TAOK3: variants seen among roughly 807,000 people sequenced by gnomAD.
TAOK3 encodes TAO kinase 3, also known as serine/threonine-protein kinase TAO3.
Under a neutral mutation model 120.4 loss-of-function variants are expected in TAOK3, and 40 were observed. The observed-to-expected ratio is 0.33, with a 90% CI of 0.26 to 0.43. The LOEUF (loss-of-function observed/expected upper bound fraction) is 0.43, where lower values mean the gene tolerates loss of function less well. Among genes scored for constraint, TAOK3 ranks in the 20% least tolerant of loss-of-function variants. TAOK3 has a pLI of 1.00. For missense variants in TAOK3, 821 were observed against 1,112.1 expected (o/e 0.74, Z 3.72); for synonymous variants, 355 against 387.5 (o/e 0.92, Z 0.99).
At chr12:118,168,351 C>T (rs931342817) in intron 17 of TAOK3, among the ~76,000 whole-genome samples, 2 of 152,214 alleles carry the variant, frequency 1.3e-5, no homozygotes, top group Admixed American at 6.5e-5. Context: ...TACTCAACCC[C>T]ATGCACACAT....
intron 15 of TAOK3, among the ~76,000 whole-genome samples, chr12:118,178,549 C>T (rs2036493841): frequency 1.3e-5 from 2 of 152,152 alleles, no homozygotes. Context: ...CCTCCACCTC[C>T]TGCGTTCAAG....
chr12:118,164,101 T>C (rs2035414655), intron 17 of TAOK3, among the ~76,000 whole-genome samples: 1 of 151,226 alleles, frequency 6.6e-6, no homozygotes, highest in Non-Finnish European at 1.5e-5. Flanking sequence ...GGCGGGTGGA[T>C]CACGAGGTCA....
intron 9 of TAOK3, among the ~76,000 whole-genome samples, chr12:118,223,645 AT>A (rs370848653): frequency 0.063 from 8,508 of 135,780 alleles, 466 homozygotes; most frequent in East Asian, 0.25. Context: ...CGCACCCGGC[AT>A]TTTTTTTTTT....
At chr12:118,352,090 T>C (rs1218413456) in intron 1 of TAOK3, among the ~76,000 whole-genome samples, 1 of 151,926 alleles carries the variant, frequency 6.6e-6, no homozygotes, top group Non-Finnish European at 1.5e-5. Context: ...GCCAAGATGG[T>C]CTCGATCTCC....
intron 3 of TAOK3, among the ~76,000 whole-genome samples, chr12:118,247,128 CAT>C (rs376112513): frequency 7.2e-5 from 11 of 152,208 alleles, no homozygotes; most frequent in African/African-American, 2.6e-4. Context: ...AAAAGAGTAA[CAT>C]GTGAAATGTG....
intron 14 of TAOK3, among the ~76,000 whole-genome samples, chr12:118,182,586 T>A (rs2138912737): frequency 1.2e-5 from 1 of 84,148 alleles, no homozygotes; most frequent in African/African-American, 5.6e-5. Context: ...TATATGTGTG[T>A]GTGTGTGTGT....
chr12:118,230,275 C>T lies in TAOK3; in HGVS notation c.643+3399G>A, dbSNP rs1264200696. 1.3e-5 allele frequency among the ~76,000 whole-genome samples: 2 copies of T among 151,982 alleles called. 1 individual carries two copies. ...CGGCTTTTGTGTCTTATACCAAAAT[C>T]TGACTCATACTAGAGTTTCCTAGTC... On this transcript the variant is annotated intron_variant, in intron 9 of 20. Transcript: ENST00000392533.
intron 1 of TAOK3, among the ~76,000 whole-genome samples, chr12:118,312,156 A>G (rs1449406536): frequency 6.6e-6 from 1 of 152,184 alleles, no homozygotes; most frequent in Non-Finnish European, 1.5e-5. Flanking sequence ...ATTTTAAAAA[A>G]CTTTCTACAA....
intron 1 of TAOK3, among the ~76,000 whole-genome samples, chr12:118,370,036 A>G (rs1030055690): frequency 9.4e-5 from 14 of 149,232 alleles, no homozygotes; most frequent in African/African-American, 3.4e-4. Flanking sequence ...CACCACGGCC[A>G]TCTAATTTTT....
intron 16 of TAOK3, among the ~76,000 whole-genome samples, chr12:118,175,712 C>A (rs1256197555): frequency 6.6e-6 from 1 of 152,048 alleles, no homozygotes; most frequent in Non-Finnish European, 1.5e-5. Context: ...TTTTATTAAA[C>A]CTTAATACAC....
chr12:118,280,148 G>A (rs1296794939), intron 1 of TAOK3, among the ~76,000 whole-genome samples: 1 of 147,956 alleles, frequency 6.8e-6, no homozygotes, highest in African/African-American at 2.5e-5. Flanking sequence ...TGCAACCTCC[G>A]CCTCCCGGGT....
chr12:118,174,329 C>T (rs1323183465), intron 16 of TAOK3, among the ~76,000 whole-genome samples: 1 of 150,638 alleles, frequency 6.6e-6, no homozygotes, highest in Non-Finnish European at 1.5e-5. Context: ...GTAATATTAG[C>T]TTTTGCATAG....
chr12:118,226,141 CG>C (rs2039493568), intron 9 of TAOK3, among the ~76,000 whole-genome samples: 1 of 152,076 alleles, frequency 6.6e-6, no homozygotes, highest in South Asian at 2.1e-4. Flanking sequence ...TTTGGGAGGC[CG>C]AGGCGGGCAG....
At chr12:118,343,874 T>C (rs1188140135) in intron 1 of TAOK3, among the ~76,000 whole-genome samples, 3 of 151,848 alleles carry the variant, frequency 2.0e-5, no homozygotes, top group Non-Finnish European at 2.9e-5. Flanking sequence ...TAGCCGGGCA[T>C]GGTGGCAGAT....
At chr12:118,244,301 G>A (rs765475287) in intron 4 of TAOK3, among the ~76,000 whole-genome samples, 2 of 152,006 alleles carry the variant, frequency 1.3e-5, no homozygotes, top group Non-Finnish European at 2.9e-5. Context: ...GGGCTCAAGC[G>A]ATCCTCCAGC....
intron 11 of TAOK3, among the ~76,000 whole-genome samples, chr12:118,207,749 G>C (rs2038401180): frequency 6.6e-6 from 1 of 151,888 alleles, no homozygotes; most frequent in Admixed American, 6.6e-5. Context: ...CAGCTGCTCA[G>C]GAGGCTGGGG....
intron 1 of TAOK3, among the ~76,000 whole-genome samples, chr12:118,282,332 T>A (rs2042125661): frequency 6.6e-6 from 1 of 152,238 alleles, no homozygotes; most frequent in Non-Finnish European, 1.5e-5. Flanking sequence ...TCTTACTTGA[T>A]CACATTGTTA....
At position 118,160,425 on chromosome 12, in the gene TAOK3, A is replaced by G; in HGVS notation, c.2140-67T>C. Reference sequence around the variant, plus strand: ...GTAAATACAGAAAGCCTTCTACCATAATGATATAATACAAGTGCTGAGAGC... The same window carrying G: ...GTAAATACAGAAAGCCTTCTACCATGATGATATAATACAAGTGCTGAGAGC... On this transcript the variant is annotated intron_variant, in intron 18 of 20. Coordinates refer to ENST00000392533, the MANE Select transcript of TAOK3 (RefSeq NM_016281.4). The surrounding 1 kb of genome is among the most constrained non-coding windows in gnomAD (Gnocchi z 4.2). The G allele has an allele frequency of 7.6e-7, 1 of 1,317,442 alleles. No individual in the cohort carries two copies. The highest frequency in any genetic ancestry group is 1.5e-5 in the African/African-American group (1 of 68,652). The allele number at this position is 1,317,442 out of a possible 1,614,324, so 81.6% of individuals were successfully genotyped here.
chr12:118,289,296 C>CAAAAAAAAAAAAAAAAA (rs59297201), intron 1 of TAOK3, among the ~76,000 whole-genome samples: 1 of 78,722 alleles, frequency 1.3e-5, no homozygotes, highest in Non-Finnish European at 2.4e-5. Context: ...AAGACTGTCT[C>CAAAAAAAAAAAAAAAAA]AAAAAAAAAA....
Sources: gnomAD v4.1 joint callset for allele counts (sites outside exome capture counted in the v4.1 genomes callset) on GRCh38, gnomAD v4.1.1 for gene constraint, Gnocchi (gnomAD v3.1) non-coding constraint, MANE v1.5 for transcripts, NCBI Gene and HGNC (gene_info 2026-07-23, HGNC 2026-07-21) for gene names.